The following ZCCHC4 variants were observed in gnomAD, a reference collection of about 807,000 sequenced individuals.
ZCCHC4 encodes zinc finger CCHC-type containing 4, also known as rRNA N(6)-adenosine-methyltransferase ZCCHC4.
A neutral mutation model predicts 67.7 loss-of-function variants in ZCCHC4; 54 were observed. That is an observed-to-expected ratio of 0.80 (90% CI 0.64 to 1.00). The LOEUF (loss-of-function observed/expected upper bound fraction) is 1.00. ZCCHC4 is among the 50% of genes least tolerant of loss of function. The probability of loss-of-function intolerance (pLI) is 0.00; values close to 1 mark genes in which losing one functional copy is unlikely to be tolerated. For missense variants in ZCCHC4, 609 were observed against 617.0 expected (o/e 0.99, Z 0.14); for synonymous variants, 198 against 213.5 (o/e 0.93, Z 0.63).
chr4:25,317,750 A>G (rs367941996), intron 3 of ZCCHC4, among the ~76,000 whole-genome samples: 2 of 147,778 alleles, frequency 1.4e-5, no homozygotes, highest in East Asian at 3.9e-4. Context: ...ATGGAGCACT[A>G]CTGTGAGGTA....
intron 8 of ZCCHC4, chr4:25,361,621 A>T (rs1458280124): frequency 8.7e-6 from 4 of 457,600 alleles, no homozygotes; most frequent in Non-Finnish European, 1.6e-5. Flanking sequence ...AGTCTCGCTC[A>T]TGCCCAGAGA....
At chr4:25,343,045 A>G (rs1331125670) in intron 5 of ZCCHC4, among the ~76,000 whole-genome samples, 1 of 152,230 alleles carries the variant, frequency 6.6e-6, no homozygotes, top group Non-Finnish European at 1.5e-5. Flanking sequence ...TCGTACTTAT[A>G]AAGCAGTGCA....
In ZCCHC4 at chr4:25,314,277, AAG is replaced by A. The variant is rs1718128687; in HGVS notation, c.246+119_246+120del. ...TCTGAACATACAAGATAAATCTCTT[AAG>A]AGAGATGGAGATACTATGTTTGTTG... On this transcript the variant is annotated intron_variant, in intron 2 of 12. Coordinates refer to ENST00000302874, the MANE Select transcript of ZCCHC4 (RefSeq NM_024936.3). The A allele has an allele frequency of 4.5e-6, 3 of 669,960 alleles. No individual in the cohort carries two copies. In the South Asian group the frequency reaches 6.4e-5, roughly 14 times the overall value. 41.5% of individuals were successfully genotyped at this position (669,960 alleles called of 1,614,324 possible). A position where few individuals can be genotyped will look rare whatever the true frequency, so the allele number is the denominator to read the frequency against.
At chr4:25,329,514 T>C (rs1445951110) in intron 3 of ZCCHC4, among the ~76,000 whole-genome samples, 3 of 150,010 alleles carry the variant, frequency 2.0e-5, no homozygotes, top group South Asian at 2.1e-4. Context: ...CTTTGTAGAT[T>C]TCGTCTTTTT....
chr4:25,339,521 T>G (rs1560407463), intron 5 of ZCCHC4, among the ~76,000 whole-genome samples: 1 of 152,268 alleles, frequency 6.6e-6, no homozygotes, highest in East Asian at 1.9e-4. Context: ...CTAGTAATGT[T>G]AAGCATCTTT....
rs879494897 is a variant in ZCCHC4, at chr4:25,369,396, C to T, written c.*232C>T. 3 of 512,582 alleles carry T rather than the reference C, an allele frequency of 5.9e-6. No individual in the cohort carries two copies. In the African/African-American group the frequency reaches 6.0e-5, roughly 10 times the overall value. The allele number at this position is 512,582 out of a possible 1,614,324, so 31.8% of individuals were successfully genotyped here. A position where few individuals can be genotyped will look rare whatever the true frequency, so the allele number is the denominator to read the frequency against. On this transcript the variant is annotated 3_prime_UTR_variant, in exon 13 of 13. Transcript: ENST00000302874. ...CTAGTTCTTTCAGCATTCATTTTTC[C>T]TCACTTTAAGTCTCTCCCAGTCACA...
chr4:25,365,224 C>T (rs1720896153), intron 12 of ZCCHC4, 58 bp downstream of exon 12: 3 of 1,593,658 alleles, frequency 1.9e-6, no homozygotes, highest in East Asian at 2.2e-5. Flanking sequence ...ACAGGATAAT[C>T]CACAAAAGCA....
At chr4:25,336,251 G>C (rs1241763137) in intron 5 of ZCCHC4, among the ~76,000 whole-genome samples, 1 of 152,110 alleles carries the variant, frequency 6.6e-6, no homozygotes, top group East Asian at 1.9e-4. Flanking sequence ...TGACCTTTGT[G>C]GCTGGCTTCT....
intron 10 of ZCCHC4, among the ~76,000 whole-genome samples, chr4:25,362,970 C>T (rs1720809287): frequency 6.6e-6 from 1 of 152,182 alleles, no homozygotes; most frequent in Non-Finnish European, 1.5e-5. Flanking sequence ...GCATCTTCCA[C>T]CAGAGGGGTG....
chr4:25,337,332 C>G (rs1719508406), intron 5 of ZCCHC4, among the ~76,000 whole-genome samples: 1 of 152,194 alleles, frequency 6.6e-6, no homozygotes. Flanking sequence ...TCTCTCTCCA[C>G]CTCTCATTCT....
rs534752455 is a variant in ZCCHC4, at chr4:25,360,970, A to G, written c.1012-889A>G. Among the ~76,000 whole-genome samples the G allele has an allele frequency of 7.4e-4, 113 of 152,322 alleles. 1 individual carries two copies. The highest frequency in any genetic ancestry group is 2.6e-3 in the African/African-American group (107 of 41,582). Reference sequence around the variant, plus strand: ...GGTGATCACCAAGGAGGTGACCCCTATGGTAATCTGTACTGATACCTGGGT... The same window carrying G: ...GGTGATCACCAAGGAGGTGACCCCTGTGGTAATCTGTACTGATACCTGGGT... On this transcript the variant is annotated intron_variant, in intron 8 of 12. Coordinates refer to ENST00000302874, the MANE Select transcript of ZCCHC4 (RefSeq NM_024936.3).
chr4:25,336,740 G>A (rs1719481334), intron 5 of ZCCHC4, among the ~76,000 whole-genome samples: 1 of 152,156 alleles, frequency 6.6e-6, no homozygotes, highest in South Asian at 2.1e-4. Context: ...ACTTCCCTCG[G>A]CCTCCCAAAT....
At chr4:25,356,034 A>T (rs1720502805) in intron 8 of ZCCHC4, among the ~76,000 whole-genome samples, 1 of 152,230 alleles carries the variant, frequency 6.6e-6, no homozygotes, top group South Asian at 2.1e-4. Flanking sequence ...ATAAATGTTG[A>T]CATGGACGTC....
intron 3 of ZCCHC4, among the ~76,000 whole-genome samples, chr4:25,318,645 A>C (rs1028131975): frequency 3.9e-5 from 6 of 152,036 alleles, no homozygotes; most frequent in African/African-American, 1.5e-4. Context: ...GTGAGCCACC[A>C]TGCCAGGCCT....
At chr4:25,348,614 C>A (rs981715011) in intron 6 of ZCCHC4, among the ~76,000 whole-genome samples, 27 of 152,080 alleles carry the variant, frequency 1.8e-4, no homozygotes, top group African/African-American at 6.5e-4. Flanking sequence ...TTATAAGTAA[C>A]CTAGAGATTA....
At chr4:25,365,724 G>A (rs1720915121) in intron 12 of ZCCHC4, 1 of 984,966 alleles carries the variant, frequency 1.0e-6, no homozygotes, top group Admixed American at 6.1e-5. Context: ...ACCAATATTT[G>A]ATTGGAGCTA....
intron 10 of ZCCHC4, among the ~76,000 whole-genome samples, chr4:25,363,786 T>G (rs1720844771): frequency 6.6e-6 from 1 of 152,146 alleles, no homozygotes; most frequent in Non-Finnish European, 1.5e-5. Context: ...TATTTAGAGA[T>G]GCACACAAAG....
In ZCCHC4 at chr4:25,318,589, C is replaced by T. The variant is rs900021803; in HGVS notation, c.329+3189C>T. The stretch of plus-strand genomic sequence containing the variant: ...AGGCTGGTGTCAAACTCCTGACCTC[C>T]GGTGGTCTGCCCATCTTGACCTCCC... On this transcript the variant is annotated intron_variant, in intron 3 of 12. Transcript: ENST00000302874. Among the ~76,000 whole-genome samples, 6 of 151,384 alleles carry T rather than the reference C, an allele frequency of 4.0e-5. No individual in the cohort carries two copies. In the South Asian group the frequency reaches 6.3e-4, roughly 16 times the overall value.
chr4:25,332,540 AAAAG>A (rs1392231378), intron 3 of ZCCHC4, among the ~76,000 whole-genome samples: 4 of 152,096 alleles, frequency 2.6e-5, no homozygotes, highest in Non-Finnish European at 4.4e-5. Flanking sequence ...ATAAAATTAA[AAAAG>A]AAAGAAAAAA....
Sources: allele counts gnomAD v4.1 joint callset (sites outside exome capture counted in the v4.1 genomes callset), GRCh38; gene constraint gnomAD v4.1.1; transcripts MANE v1.5; gene names NCBI Gene and HGNC (gene_info 2026-07-23, HGNC 2026-07-21).